LRCH4: variants seen among roughly 807,000 people sequenced by gnomAD.
LRCH4 encodes leucine rich repeats and calponin homology domain containing 4.
In LRCH4, 56 loss-of-function variants were observed where a neutral mutation model predicts 81.2. That is an observed-to-expected ratio of 0.69 (90% CI 0.56 to 0.86). LRCH4 has a LOEUF of 0.86. Ranked by LOEUF, LRCH4 falls within the 40% of genes least tolerant of loss-of-function variation. The pLI is 0.00. For synonymous variants in LRCH4, 442 were observed against 409.7 expected (o/e 1.08, Z -0.95); for missense variants, 895 against 922.8 (o/e 0.97, Z 0.39).
rs199878304 is a variant in LRCH4, at chr7:100,575,669, G to T, written c.1854+36C>A. ...CCATGCCACATGCTCGGCTGAGTCC[G>T]GCATGCCACCACTCTTTAGAAAGCA... On this transcript the variant is annotated intron_variant, in intron 17 of 17. Coordinates refer to ENST00000310300, the MANE Select transcript of LRCH4 (RefSeq NM_002319.5). This position sits in a 1 kb window ranked among gnomAD's most constrained non-coding sequence, Gnocchi z 5.3. The T allele has an allele frequency of 6.2e-7, 1 of 1,608,972 alleles. No individual in the cohort carries two copies. Among genetic ancestry groups the T allele is most frequent in the African/African-American group, 1.3e-5 (1 of 74,812 alleles).
chr7:100,578,563 G>T lies in LRCH4; in HGVS notation c.736-52C>A. 1 of 1,601,580 alleles carries T rather than the reference G, an allele frequency of 6.2e-7. No individual in the cohort carries two copies. Among genetic ancestry groups the T allele is most frequent in the Non-Finnish European group, 8.5e-7 (1 of 1,172,196 alleles). On this transcript the variant is annotated intron_variant, in intron 5 of 17. Coordinates refer to ENST00000310300, the MANE Select transcript of LRCH4 (RefSeq NM_002319.5). The surrounding 1 kb of genome is among the most constrained non-coding windows in gnomAD (Gnocchi z 5.7). ...GAGTTGGCAGGGAGGGCAGCTCCCC[G>T]GATCCTGCTCAGCTATCCAAGGGGA...
intron 13 of LRCH4, 50 bp downstream of exon 13, chr7:100,576,852 C>G: frequency 6.5e-7 from 1 of 1,536,662 alleles, no homozygotes; most frequent in Non-Finnish European, 8.8e-7. Context: ...CTCTCCCAAC[C>G]AGCCCTCACC....
At position 100,575,904 on chromosome 7, in the gene LRCH4, G is replaced by A. The variant is rs201352957; in HGVS notation, c.1743C>T (p.Ser581=). Residue 581 remains serine, a synonymous_variant, in exon 16 of 18, where the codon TCC becomes TCT. Coordinates refer to ENST00000310300, the MANE Select transcript of LRCH4 (RefSeq NM_002319.5). The surrounding 1 kb of genome is among the most constrained non-coding windows in gnomAD (Gnocchi z 5.3). ...GGGAGGGCACATGGATGAAGGGCAC[G>A]GAGCGCGGCCGTAGCTGGTTGGCCA... ...CQLANQLRPR[S]VPFIHVPSPA... 1.1e-5 allele frequency: 18 copies of A among 1,613,298 alleles called. No homozygotes were observed. Among genetic ancestry groups the A allele is most frequent in the East Asian group, 2.2e-5 (1 of 44,870 alleles).
chr7:100,576,648 G>A (rs755132798), intron 14 of LRCH4, 46 bp downstream of exon 14: 1 of 1,503,488 alleles, frequency 6.7e-7, no homozygotes, highest in East Asian at 2.4e-5. Context: ...GTAGCCGTTG[G>A]TGCTGGCAAG....
chr7:100,577,285 G>A lies in LRCH4; in HGVS notation c.1283C>T (p.Pro428Leu), dbSNP rs753379286. Residue 428 changes from proline to leucine, a missense_variant, in exon 11 of 18, where the codon CCG becomes CTG. Transcript: ENST00000310300. The surrounding 1 kb of genome is among the most constrained non-coding windows in gnomAD (Gnocchi z 6.7). ...CCCTGGGTCCCACCTATCCTTCCTC[G>A]GGGCCCCCCACGCCCCGCTCTGCTG... The part of the protein sequence containing the change: ...QQQQSGAWGA[P>L]RKDSLLKPGL... 1.7e-5 allele frequency: 27 copies of A among 1,599,608 alleles called. No homozygotes were observed. The highest frequency in any genetic ancestry group is 2.7e-5 in the African/African-American group (2 of 74,832).
chr7:100,575,228 C>A lies in LRCH4; in HGVS notation c.1931G>T (p.Arg644Leu), dbSNP rs755128570. The A allele has an allele frequency of 1.9e-6, 3 of 1,606,422 alleles. No homozygotes were observed. In the South Asian group the frequency reaches 3.3e-5, roughly 18 times the overall value. ...GGGCGGTAGGGCCTTGCCCCCCACC[C>A]GCTTCACGGCCTCCAGCGCGGTCCG... ...GLRTALEAVK[R>L]VGGKALPPLW... Residue 644 changes from arginine (R) to leucine (L), a missense_variant, in exon 18 of 18, where the codon CGG (arginine) becomes CTG (leucine). By Grantham distance (102) the Arg-to-Leu change is moderately radical (BLOSUM62 -2). Around this residue, in one of 3 missense-constraint regions of LRCH4, gnomAD observed 529 missense variants for 504.9 expected, o/e 1.05. Coordinates refer to ENST00000310300, the MANE Select transcript of LRCH4 (RefSeq NM_002319.5). This position sits in a 1 kb window ranked among gnomAD's most constrained non-coding sequence, Gnocchi z 5.3.
At chr7:100,584,338 G>A (rs1010967696) in intron 1 of LRCH4, 5 of 411,074 alleles carry the variant, frequency 1.2e-5, no homozygotes, top group Non-Finnish European at 2.5e-5. Flanking sequence ...GGGCAGAGGA[G>A]GGTTCTTGGG....
chr7:100,576,635 G>T, intron 14 of LRCH4, 59 bp downstream of exon 14: 1 of 1,412,522 alleles, frequency 7.1e-7, no homozygotes, highest in South Asian at 1.2e-5. Context: ...GCAGAAGGGT[G>T]ATGTAGCCGT....
chr7:100,581,521 G>C (rs1801555139), intron 4 of LRCH4: 2 of 415,500 alleles, frequency 4.8e-6, no homozygotes, highest in Non-Finnish European at 8.7e-6. Flanking sequence ...CTTTATCAAA[G>C]AGGCCCCAGA....
intron 4 of LRCH4, chr7:100,580,441 C>CAA (rs1801496062): frequency 6.8e-6 from 1 of 146,196 alleles, no homozygotes; most frequent in Non-Finnish European, 1.5e-5. Context: ...CACACACACA[C>CAA]ACACAAAACC....
Position 100,582,462 on chromosome 7 carries a change from G to A in LRCH4, c.221-3C>T. On this transcript the variant is annotated splice_polypyrimidine_tract_variant and splice_region_variant and intron_variant, in intron 1 of 17. Coordinates refer to ENST00000310300, the MANE Select transcript of LRCH4 (RefSeq NM_002319.5). The surrounding 1 kb of genome is among the most constrained non-coding windows in gnomAD (Gnocchi z 5.0). ...GGGAAACCGGTTCCGGGACAGGTCT[G>A]GGGAAAAGGAGGTGTCGGGGAGAGT... 10 of 1,606,298 alleles carry A rather than the reference G, an allele frequency of 6.2e-6. No homozygotes were observed. Among genetic ancestry groups the A allele is most frequent in the Non-Finnish European group, 8.5e-6 (10 of 1,179,762 alleles).
intron 4 of LRCH4, chr7:100,579,101 T>C: frequency 2.6e-6 from 1 of 386,466 alleles, no homozygotes. Context: ...CACTCCACAC[T>C]CGAACCCACC....
intron 4 of LRCH4, chr7:100,580,593 TAAACACACACAACAGACATAAACAC>T (rs1247164459): frequency 6.8e-6 from 1 of 146,038 alleles, no homozygotes; most frequent in Non-Finnish European, 1.5e-5. Context: ...AACACAGACC[TAAACACACACAACAGACATAAACAC>T]AAACACACAC....
chr7:100,582,482 G>A lies in LRCH4; in HGVS notation c.221-23C>T. ...GGTCTGGGGAAAAGGAGGTGTCGGGGAGAGTTGCGGAAAGGCCCAGCCCGG... is the reference window on the plus strand; with the variant it reads ...GGTCTGGGGAAAAGGAGGTGTCGGGAAGAGTTGCGGAAAGGCCCAGCCCGG... On this transcript the variant is annotated intron_variant, in intron 1 of 17. Coordinates refer to ENST00000310300, the MANE Select transcript of LRCH4 (RefSeq NM_002319.5). This position sits in a 1 kb window ranked among gnomAD's most constrained non-coding sequence, Gnocchi z 5.0. The A allele has an allele frequency of 1.3e-6, 2 of 1,599,298 alleles. No homozygotes were observed. The highest frequency in any genetic ancestry group is 1.3e-5 in the African/African-American group (1 of 74,984).
Position 100,578,936 on chromosome 7 carries a change from C to A in LRCH4, c.599-150G>T. 1 of 712,016 alleles carries A rather than the reference C, an allele frequency of 1.4e-6. No homozygotes were observed. The highest frequency in any genetic ancestry group is 2.3e-6 in the Non-Finnish European group (1 of 432,290). 44.1% of individuals were successfully genotyped at this position (712,016 alleles called of 1,614,324 possible). Reference sequence around the variant, plus strand: ...GCTCAAGTCATTCCCCGGGAGAAACCTCCCTGCTCCTCTCTCCACATGATT... The same window carrying A: ...GCTCAAGTCATTCCCCGGGAGAAACATCCCTGCTCCTCTCTCCACATGATT... On this transcript the variant is annotated intron_variant, in intron 4 of 17. Transcript: ENST00000310300. This position sits in a 1 kb window ranked among gnomAD's most constrained non-coding sequence, Gnocchi z 5.7.
rs772306288 is a variant in LRCH4 at position 100,577,838 on chromosome 7, G to A, written c.1023C>T (p.Arg341=). 1 of 1,613,098 alleles carries A rather than the reference G, an allele frequency of 6.2e-7. No homozygotes were observed. The highest frequency in any genetic ancestry group is 1.7e-5 in the Admixed American group (1 of 59,998). The part of the protein sequence containing the change: ...LAREPRGPRE[R]KEDGSADGDP... ...GCTACTCACCTGAGCCATCCTCCTTGCGTTCTCTGGGTCCCCGGGGCTCCC... is the reference window on the plus strand; with the variant it reads ...GCTACTCACCTGAGCCATCCTCCTTACGTTCTCTGGGTCCCCGGGGCTCCC... The change falls in exon 8 of 18, where the codon CGC becomes CGT. Residue 341 remains arginine (R), a synonymous_variant. Transcript: ENST00000310300. The surrounding 1 kb of genome is among the most constrained non-coding windows in gnomAD (Gnocchi z 6.7).
chr7:100,575,636 C>CCAT lies in LRCH4; in HGVS notation c.1854+68_1854+69insATG, dbSNP rs1275153495. 1 of 1,556,092 alleles carries CCAT rather than the reference C, an allele frequency of 6.4e-7. No homozygotes were observed. The highest frequency in any genetic ancestry group is 2.2e-5 in the East Asian group (1 of 44,626). ...AGCAGACATCCGCTGCAAATGGAAG[C>CCAT]CCACCATCCATGCCACATGCTCGGC... On this transcript the variant is annotated intron_variant, in intron 17 of 17. Transcript: ENST00000310300. The surrounding 1 kb of genome is among the most constrained non-coding windows in gnomAD (Gnocchi z 5.3).
rs1159483498 is a variant in LRCH4, at chr7:100,575,203, G to A, written c.1956C>T (p.Pro652=). ...CGCCCAGACCAGAGGGGGGCCAGAG[G>A]GGCGGTAGGGCCTTGCCCCCCACCC... The part of the protein sequence containing the change: ...VKRVGGKALP[P]LWPPSGLGGF... The change falls in exon 18 of 18, where the codon CCC becomes CCT. Residue 652 remains proline (P), a synonymous_variant. Coordinates refer to ENST00000310300, the MANE Select transcript of LRCH4 (RefSeq NM_002319.5). This position sits in a 1 kb window ranked among gnomAD's most constrained non-coding sequence, Gnocchi z 5.3. 1.9e-6 allele frequency: 3 copies of A among 1,611,930 alleles called. No individual in the cohort carries two copies. Among genetic ancestry groups the A allele is most frequent in the East Asian group, 2.2e-5 (1 of 44,838 alleles).
intron 1 of LRCH4, chr7:100,584,961 G>GCCGGCCCA: frequency 2.8e-6 from 1 of 361,992 alleles, no homozygotes; most frequent in Non-Finnish European, 5.5e-6. Flanking sequence ...GCTGCCTCCT[G>GCCGGCCCA]AGTAGCTGAG....
Sources: gnomAD v4.1 joint callset for allele counts on GRCh38, gnomAD v4.1.1 for gene constraint, gnomAD v4.1.1 regional missense constraint, Gnocchi (gnomAD v3.1) non-coding constraint, MANE v1.5 for transcripts, NCBI Gene and HGNC (gene_info 2026-07-23, HGNC 2026-07-21) for gene names.